Variants in HTATSF1 observed in about 807,000 individuals in gnomAD.
HTATSF1 encodes the protein 17S U2 SnRNP complex component HTATSF1.
In HTATSF1, 6 loss-of-function variants were observed where a neutral mutation model predicts 46.1. The observed-to-expected ratio is 0.13, with a 90% CI of 0.07 to 0.26. HTATSF1 has a LOEUF of 0.26. Ranked by LOEUF, HTATSF1 falls within the 10% of genes least tolerant of loss-of-function variation. The pLI is 1.00. For synonymous variants in HTATSF1, 226 were observed against 211.5 expected (o/e 1.07, Z -0.60); for missense variants, 452 against 559.9 (o/e 0.81, Z 1.94).
intron 4 of HTATSF1, among the ~76,000 whole-genome samples, chrX:136,501,079 A>AT (rs2075716089): frequency 8.9e-6 from 1 of 112,421 alleles, no homozygotes; most frequent in Non-Finnish European, 1.9e-5. Context: ...CACTAGAAAG[A>AT]TTTTTTTATT....
rs757072416 is a variant in HTATSF1, at chrX:136,500,715, T to G, written c.467T>G (p.Phe156Cys). The change falls in exon 4 of 9, where the codon TTT becomes TGT. Residue 156 changes from phenylalanine to cysteine, a missense_variant. Phe to Cys is a radical substitution (Grantham distance 205). Transcript: ENST00000218364. ...GAATTTATACAACTTATGTCCAAGTTTGGCATTATTATGAGAGATCCTCAG... is the reference window on the plus strand; with the variant it reads ...GAATTTATACAACTTATGTCCAAGTGTGGCATTATTATGAGAGATCCTCAG... ...VDEFIQLMSK[F>C]GIIMRDPQTE... 6.7e-5 allele frequency: 77 copies of G among 1,143,015 alleles called. No homozygotes were observed. The highest frequency in any genetic ancestry group is 7.5e-5 in the Non-Finnish European group (64 of 858,556). 94.2% of individuals were successfully genotyped at this position (1,143,015 alleles called of 1,213,427 possible). A position where few individuals can be genotyped will look rare whatever the true frequency, so the allele number is the denominator to read the frequency against.
intron 4 of HTATSF1, among the ~76,000 whole-genome samples, chrX:136,501,252 T>C (rs906283910): frequency 8.9e-6 from 1 of 112,403 alleles, no homozygotes; most frequent in Non-Finnish European, 1.9e-5. Flanking sequence ...AATTCATTTA[T>C]GCATTTGTCT....
rs2075756331 is a variant in HTATSF1 at position 136,509,150 on chromosome X, T to G, written c.894T>G (p.Phe298Leu). 1.7e-6 allele frequency: 2 copies of G among 1,204,065 alleles called. No individual in the cohort carries two copies. The highest frequency in any genetic ancestry group is 2.3e-6 in the Non-Finnish European group (2 of 888,547). The part of the protein sequence containing the change: ...REDLRVECSK[F>L]GQIRKLLLFD... ...ACCTTCGAGTAGAGTGTTCGAAGTT[T>G]GGACAAATTAGGAAACTCCTTCTCT... The change falls in exon 7 of 9, where the codon TTT becomes TTG. Residue 298 changes from phenylalanine to leucine, a missense_variant. Physicochemically the swap from Phe to Leu is conservative, Grantham distance 22. This residue lies in a region of HTATSF1 where 117 missense variants were observed against 222.2 expected (regional missense o/e 0.53). Coordinates refer to ENST00000218364, the MANE Select transcript of HTATSF1 (RefSeq NM_014500.5).
chrX:136,510,628 T>C (rs765962912), intron 8 of HTATSF1, among the ~76,000 whole-genome samples, 180 bp from the exon 9 acceptor site: 148 of 112,875 alleles, frequency 1.3e-3, no homozygotes, highest in African/African-American at 4.3e-3. Context: ...AGTGGTCTTA[T>C]TTAAGGTCAA....
At chrX:136,505,530 C>T (rs928230657) in intron 6 of HTATSF1, among the ~76,000 whole-genome samples, 2 of 112,470 alleles carry the variant, frequency 1.8e-5, no homozygotes, top group Non-Finnish European at 3.8e-5. Flanking sequence ...TACAGTTTTA[C>T]AGTTGCAGTG....
intron 5 of HTATSF1, among the ~76,000 whole-genome samples, chrX:136,503,164 A>G (rs1330631452): frequency 8.9e-6 from 1 of 112,049 alleles, no homozygotes; most frequent in East Asian, 2.8e-4. Flanking sequence ...AAGGGCTTAA[A>G]TGAGCTAAGA....
intron 8 of HTATSF1, 70 bp from the exon 9 acceptor site, chrX:136,510,738 A>G (rs1359098749): frequency 2.8e-6 from 3 of 1,054,007 alleles, no homozygotes; most frequent in Non-Finnish European, 3.8e-6. Context: ...TTTCATCAAT[A>G]TTAGATATGT....
At chrX:136,500,061 GA>G (rs1436165054) in intron 2 of HTATSF1, 96 bp from the exon 3 acceptor site, 13 of 604,206 alleles carry the variant, frequency 2.2e-5, no homozygotes, top group Non-Finnish European at 3.6e-5. Flanking sequence ...GGTCGTCCTG[GA>G]AGTTTCAAGA....
Position 136,512,121 on chromosome X carries a change from C to A in HTATSF1, c.*108C>A. ...CATGTGCATAGTGGTAGGATGCCAT[C>A]AGATTAAAGCATTGAAGTGTTTCAT... On this transcript the variant is annotated 3_prime_UTR_variant, in exon 9 of 9. Transcript: ENST00000218364. The A allele has an allele frequency of 1.2e-6, 1 of 811,580 alleles. No individual in the cohort carries two copies. The highest frequency in any genetic ancestry group is 2.9e-5 in the South Asian group (1 of 34,751). 66.9% of individuals were successfully genotyped at this position (811,580 alleles called of 1,213,427 possible).
chrX:136,497,571 G>A (rs1200395783), upstream of HTATSF1: 29 of 584,910 alleles, frequency 5.0e-5, 1 homozygote, highest in Non-Finnish European at 7.2e-5. Flanking sequence ...GAGGCGGGCC[G>A]GGGGGCGGCG....
Position 136,497,711 on chromosome X carries a change from C to T in HTATSF1, c.27C>T (p.Asn9=), listed in dbSNP as rs935705502. 9 of 1,199,623 alleles carry T rather than the reference C, an allele frequency of 7.5e-6. No individual in the cohort carries two copies. The highest frequency in any genetic ancestry group is 2.3e-4 in the Middle Eastern group (1 of 4,316). The change falls in exon 1 of 9, where the codon AAC becomes AAT. Residue 9 remains asparagine (N), a synonymous_variant. Transcript: ENST00000218364. ...TGAGCGGCACCAACTTGGATGGGAA[C>T]GATGAGTTTGATGAGCAGTTGCGAA... is the stretch of plus-strand genomic sequence containing the variant. MSGTNLDG[N]DEFDEQLRMQ...
chrX:136,510,565 CTT>C (rs950225429), intron 8 of HTATSF1, among the ~76,000 whole-genome samples: 1 of 112,240 alleles, frequency 8.9e-6, no homozygotes, highest in Non-Finnish European at 1.9e-5. Context: ...CAAATATTAA[CTT>C]TTTAAGAGAT....
At chrX:136,498,163 A>G (rs1217189839) in intron 1 of HTATSF1, among the ~76,000 whole-genome samples, 1 of 112,892 alleles carries the variant, frequency 8.9e-6, no homozygotes, top group Non-Finnish European at 1.9e-5. Context: ...GAAAAATACC[A>G]AGAACAAATT....
chrX:136,506,349 C>T (rs1002717947), intron 6 of HTATSF1, among the ~76,000 whole-genome samples: 18 of 111,172 alleles, frequency 1.6e-4, no homozygotes, highest in African/African-American at 4.9e-4. Context: ...AGCCTTTATA[C>T]TACCCTATTT....
intron 1 of HTATSF1, 37 bp from the exon 2 acceptor site, chrX:136,499,561 A>G (rs937327125): frequency 9.5e-7 from 1 of 1,051,485 alleles, no homozygotes; most frequent in Non-Finnish European, 1.3e-6. Flanking sequence ...AATAATTTTG[A>G]ATTTCTCTGT....
chrX:136,497,586 G>T (rs991777361), upstream of HTATSF1: 15 of 705,792 alleles, frequency 2.1e-5, no homozygotes, highest in African/African-American at 3.1e-4. Flanking sequence ...GCGGCGGGGC[G>T]CGAGCAGAGC....
At position 136,511,362 on chromosome X, in the gene HTATSF1, C is replaced by T. The variant is rs778963067; in HGVS notation, c.1617C>T (p.Ser539=). The T allele has an allele frequency of 1.7e-5, 21 of 1,206,752 alleles. No homozygotes were observed. The East Asian group carries it at 2.4e-4, about 14-fold the overall frequency. ...SEEEVGPTKE[S]EEDDSEKESD... is the part of the protein sequence containing the mutation. ...AGGAGGTTGGCCCCACAAAAGAGTC[C>T]GAAGAAGATGACTCAGAGAAAGAGT... Residue 539 remains serine, a synonymous_variant, in exon 9 of 9, where the codon TCC becomes TCT. Coordinates refer to ENST00000218364, the MANE Select transcript of HTATSF1 (RefSeq NM_014500.5).
chrX:136,501,351 C>T (rs2075717489), intron 4 of HTATSF1, among the ~76,000 whole-genome samples: 1 of 111,926 alleles, frequency 8.9e-6, no homozygotes, highest in African/African-American at 3.3e-5. Flanking sequence ...ACGAACTGGC[C>T]CTTTAACAAA....
At chrX:136,506,053 G>A (rs1186819523) in intron 6 of HTATSF1, among the ~76,000 whole-genome samples, 1 of 111,663 alleles carries the variant, frequency 9.0e-6, no homozygotes, top group Non-Finnish European at 1.9e-5. Context: ...CAAACTATCT[G>A]GAACCTCTGC....
Sources: allele counts gnomAD v4.1 joint callset (sites outside exome capture counted in the v4.1 genomes callset), GRCh38; gene constraint gnomAD v4.1.1; regional missense constraint gnomAD v4.1.1; transcripts MANE v1.5; gene names NCBI Gene and HGNC (gene_info 2026-07-23, HGNC 2026-07-21).